The following DSC1 variants were observed in gnomAD, a reference collection of about 807,000 sequenced individuals.
DSC1 encodes the protein desmocollin 1, also known as desmocollin-1.
A neutral mutation model predicts 98.8 loss-of-function variants in DSC1; 79 were observed. The ratio of observed to expected loss-of-function variants is 0.80; its 90% CI spans 0.67 to 0.96. DSC1 has a LOEUF of 0.96. Ranked by LOEUF, DSC1 falls within the 50% of genes least tolerant of loss-of-function variation. DSC1 has a pLI of 0.00. For missense variants in DSC1, 1,115 were observed against 1,075.9 expected, an observed-to-expected ratio of 1.04 and a Z score of -0.51; for synonymous variants, 405 against 372.1, an observed-to-expected ratio of 1.09 and a Z score of -1.02.
chr18:31,151,127 G>A (rs1217560020), intron 5 of DSC1, among the ~76,000 whole-genome samples: 3 of 152,208 alleles, frequency 2.0e-5, no homozygotes, highest in African/African-American at 7.2e-5. Context: ...CAATGGAAAT[G>A]AAGATCATCT....
intron 7 of DSC1, 142 bp from the exon 8 acceptor site, chr18:31,143,933 A>G: frequency 1.7e-6 from 1 of 586,632 alleles, no homozygotes; most frequent in Non-Finnish European, 2.5e-6. Flanking sequence ...TTTATTTGAG[A>G]TGGGGTCTCA....
rs1555646387 is a variant in DSC1, at chr18:31,159,047, G to GTTTTTTTTTTTGTTT, written c.148+397_148+398insAAACAAAAAAAAAAA. On this transcript the variant is annotated intron_variant, in intron 2 of 15. Coordinates refer to ENST00000257198, the MANE Select transcript of DSC1 (RefSeq NM_024421.2). ...TTTAACTTCAAGTAGCTACTATGTG[G>GTTTTTTTTTTTGTTT]TTTTTTTTTTTTTTTTTGAGACAGA... Among the ~76,000 whole-genome samples, 57 of 71,070 alleles carry GTTTTTTTTTTTGTTT rather than the reference G, an allele frequency of 8.0e-4. 3 individuals are homozygous for GTTTTTTTTTTTGTTT. The highest frequency in any genetic ancestry group is 3.3e-3 in the African/African-American group (56 of 17,188). 46.6% of individuals were successfully genotyped at this position (71,070 alleles called of 152,430 possible). A position where few individuals can be genotyped will look rare whatever the true frequency, so the allele number is the denominator to read the frequency against.
intron 9 of DSC1, among the ~76,000 whole-genome samples, chr18:31,141,226 A>G (rs1988728200): frequency 6.6e-6 from 1 of 152,176 alleles, no homozygotes. Flanking sequence ...AAAAAATATC[A>G]AGGGGGAAAA....
intron 5 of DSC1, 42 bp from the exon 6 acceptor site, chr18:31,148,684 A>C: frequency 6.7e-7 from 1 of 1,492,690 alleles, no homozygotes; most frequent in Non-Finnish European, 9.1e-7. Flanking sequence ...CTCAAACCAC[A>C]AATTATGCAC....
intron 14 of DSC1, 135 bp downstream of exon 14, chr18:31,132,433 T>C: frequency 8.0e-7 from 1 of 1,246,616 alleles, no homozygotes; most frequent in Non-Finnish European, 1.1e-6. Context: ...TTTAAAACAC[T>C]GAGGGCACTT....
chr18:31,131,473 A>T, intron 15 of DSC1, 121 bp downstream of exon 15: 1 of 1,277,150 alleles, frequency 7.8e-7, no homozygotes, highest in Non-Finnish European at 1.1e-6. Flanking sequence ...CATCTATGAT[A>T]ATCCAACAGG....
chr18:31,142,440 T>C (rs769441677), intron 8 of DSC1, among the ~76,000 whole-genome samples: 1 of 152,112 alleles, frequency 6.6e-6, no homozygotes, highest in African/African-American at 2.4e-5. Flanking sequence ...TCCTAATCAT[T>C]CTAGACCTCA....
intron 5 of DSC1, among the ~76,000 whole-genome samples, chr18:31,154,411 T>A (rs993402528): frequency 6.6e-6 from 1 of 152,096 alleles, no homozygotes; most frequent in African/African-American, 2.4e-5. Context: ...GCATCAGTAT[T>A]TTTTTTCAAG....
chr18:31,148,984 A>G (rs574034282), intron 5 of DSC1, among the ~76,000 whole-genome samples: 36 of 152,340 alleles, frequency 2.4e-4, no homozygotes, highest in African/African-American at 8.7e-4. Flanking sequence ...TAAAAATACA[A>G]TTCTATTTAT....
intron 6 of DSC1, among the ~76,000 whole-genome samples, chr18:31,146,635 T>C (rs900796558): frequency 6.6e-6 from 1 of 152,182 alleles, no homozygotes; most frequent in Non-Finnish European, 1.5e-5. Flanking sequence ...ATAGTAGCTC[T>C]GTTTTTAGTT....
intron 1 of DSC1, among the ~76,000 whole-genome samples, chr18:31,160,343 A>G (rs571467656): frequency 6.6e-6 from 1 of 152,294 alleles, no homozygotes; most frequent in South Asian, 2.1e-4. Context: ...TTTATTATTT[A>G]AATATAAGAT....
At chr18:31,139,337 C>A (rs568066842) in intron 11 of DSC1, among the ~76,000 whole-genome samples, 53 of 152,016 alleles carry the variant, frequency 3.5e-4, no homozygotes, top group Non-Finnish European at 6.0e-4. Context: ...TTACTTTGAA[C>A]CCAACTGTTT....
intron 5 of DSC1, among the ~76,000 whole-genome samples, chr18:31,148,968 A>T (rs1175720309): frequency 6.6e-6 from 1 of 152,202 alleles, no homozygotes; most frequent in Non-Finnish European, 1.5e-5. Context: ...GTGTTTTTAA[A>T]GTTTATAAAA....
intron 5 of DSC1, among the ~76,000 whole-genome samples, chr18:31,150,136 C>T (rs953300342): frequency 6.7e-6 from 1 of 148,676 alleles, no homozygotes; most frequent in African/African-American, 2.5e-5. Context: ...CCACCATTAT[C>T]ACCATTATCA....
At chr18:31,136,228 A>C (rs1988605506) in intron 11 of DSC1, among the ~76,000 whole-genome samples, 1 of 152,102 alleles carries the variant, frequency 6.6e-6, no homozygotes, top group African/African-American at 2.4e-5. Context: ...AAAATCAGCA[A>C]ACTAAGAAAT....
chr18:31,138,394 C>G (rs1054040538), intron 11 of DSC1, among the ~76,000 whole-genome samples: 2 of 152,042 alleles, frequency 1.3e-5, no homozygotes, highest in African/African-American at 4.8e-5. Context: ...GTTCTCACAT[C>G]ATAGAATCTC....
chr18:31,154,988 C>T lies in DSC1; in HGVS notation c.472-59G>A, dbSNP rs574973571. ...TCATGATGAATATTTTCAACCTAAC[C>T]TCTTGTGATGGTTTATTTTTTTACC... is the stretch of plus-strand genomic sequence containing the variant. On this transcript the variant is annotated intron_variant, in intron 4 of 15. Transcript: ENST00000257198. 18 of 1,578,536 alleles carry T rather than the reference C, an allele frequency of 1.1e-5. No individual in the cohort carries two copies. In the South Asian group the frequency reaches 1.3e-4, roughly 11 times the overall value.
intron 8 of DSC1, 151 bp from the exon 9 acceptor site, chr18:31,142,335 G>C (rs1403272715): frequency 1.3e-6 from 1 of 788,756 alleles, no homozygotes; most frequent in Non-Finnish European, 1.9e-6. Context: ...TTAATGCGTA[G>C]CTTAGTTCTT....
chr18:31,145,861 G>A (rs1357592134), intron 6 of DSC1, 84 bp from the exon 7 acceptor site: 2 of 1,428,134 alleles, frequency 1.4e-6, no homozygotes, highest in African/African-American at 1.4e-5. Context: ...CATTGCTGTA[G>A]CAAATTCTCC....
Sources: allele counts gnomAD v4.1 joint callset (sites outside exome capture counted in the v4.1 genomes callset), GRCh38; gene constraint gnomAD v4.1.1; transcripts MANE v1.5; gene names NCBI Gene and HGNC (gene_info 2026-07-23, HGNC 2026-07-21).